TTLL11: variants seen among roughly 807,000 people sequenced by gnomAD.
TTLL11 encodes the protein tubulin polyglutamylase TTLL11.
A neutral mutation model predicts 51.7 loss-of-function variants in TTLL11; 42 were observed. That is an observed-to-expected ratio of 0.81 (90% confidence interval 0.64 to 1.05). The LOEUF is 1.05. Among genes scored for constraint, TTLL11 ranks in the 50% least tolerant of loss-of-function variants. The pLI, the probability that TTLL11 is intolerant of heterozygous loss-of-function variation, is 0.00. For synonymous variants in TTLL11, 381 were observed against 383.5 expected (o/e 0.99, Z 0.08); for missense variants, 799 against 940.4 (o/e 0.85, Z 1.97).
intron 6 of TTLL11, among the ~76,000 whole-genome samples, chr9:121,883,867 A>AG (rs1838892555): frequency 6.6e-6 from 1 of 152,180 alleles, no homozygotes; most frequent in Non-Finnish European, 1.5e-5. Context: ...CGAGAGCTGC[A>AG]GGGAGGATGA....
At position 121,995,930 on chromosome 9, in the gene TTLL11, C is replaced by T. The variant is rs1843246680; in HGVS notation, c.694-6160G>A. Among the ~76,000 whole-genome samples the T allele has an allele frequency of 6.6e-6, 1 of 152,190 alleles. No individual in the cohort carries two copies. Among genetic ancestry groups the T allele is most frequent in the South Asian group, 2.1e-4 (1 of 4,836 alleles). On this transcript the variant is annotated intron_variant, in intron 3 of 8. Transcript: ENST00000321582. This position sits in a 1 kb window ranked among gnomAD's most constrained non-coding sequence, Gnocchi z 4.4. ...AGCTCCGTGGTGAGCGCGGGAACCA[C>T]GGGCCCGTGAGAAGTAGTGCCTGCC...
intron 8 of TTLL11, among the ~76,000 whole-genome samples, chr9:121,832,766 C>T (rs910865973): frequency 3.9e-5 from 6 of 152,106 alleles, no homozygotes; most frequent in African/African-American, 1.4e-4. Context: ...ACGGTGAAAC[C>T]CTGTCTCTAC....
At chr9:121,973,969 G>T in intron 6 of TTLL11, 40 bp downstream of exon 6, 2 of 1,474,520 alleles carry the variant, frequency 1.4e-6, no homozygotes, top group Non-Finnish European at 1.9e-6. Flanking sequence ...GGGTTAGGAG[G>T]CAGAGTTGAT....
intron 3 of TTLL11, among the ~76,000 whole-genome samples, chr9:122,025,650 C>T (rs1418091585): frequency 6.6e-6 from 1 of 152,102 alleles, no homozygotes; most frequent in Non-Finnish European, 1.5e-5. Context: ...TGACCATTAC[C>T]AAATTCTGGC....
At chr9:121,842,120 A>T (rs1284028443) in intron 8 of TTLL11, among the ~76,000 whole-genome samples, 2 of 152,170 alleles carry the variant, frequency 1.3e-5, no homozygotes, top group Non-Finnish European at 2.9e-5. Context: ...ACATCTGGAA[A>T]AAGAGCAGGC....
intron 1 of TTLL11, among the ~76,000 whole-genome samples, chr9:122,046,870 C>G (rs116616088): frequency 1.3e-5 from 2 of 152,304 alleles, no homozygotes; most frequent in African/African-American, 4.8e-5. Flanking sequence ...CAGAACAACA[C>G]AATCTGAGTT....
In TTLL11 at chr9:121,872,382, C is replaced by T. The variant is rs184845725; in HGVS notation, c.1482-1634G>A. ...TGGTTTACATGCCAGTCTCTCTCAC[C>T]GTTTTGTGAGCTCATTGAAGGCCTA... On this transcript the variant is annotated intron_variant, in intron 6 of 8. Transcript: ENST00000321582. 7.9e-5 allele frequency among the ~76,000 whole-genome samples: 12 copies of T among 152,268 alleles called. No homozygotes were observed. The East Asian group carries it at 1.5e-3, about 20-fold the overall frequency.
chr9:122,000,467 G>A (rs1330002992), intron 3 of TTLL11, among the ~76,000 whole-genome samples: 26 of 84,728 alleles, frequency 3.1e-4, no homozygotes, highest in East Asian at 6.2e-4. Context: ...GTGAGACTCC[G>A]TCGCAAAAAA....
rs1564281247 is a variant in TTLL11 at position 121,870,552 on chromosome 9, G to C, written c.1678C>G (p.Leu560Val). 2 of 1,551,674 alleles carry C rather than the reference G, an allele frequency of 1.3e-6. No individual in the cohort carries two copies. The highest frequency in any genetic ancestry group is 2.4e-5 in the South Asian group (2 of 84,052). Residue 560 changes from leucine to valine, a missense_variant, in exon 7 of 9, where the codon CTG becomes GTG. This residue lies in a region of TTLL11 where 468 missense variants were observed against 612.8 expected (regional missense o/e 0.76). Coordinates refer to ENST00000321582, the MANE Select transcript of TTLL11 (RefSeq NM_001139442.2). ...DRMANLFIRF[L>V]GIKGTMKLGP... Reference sequence around the variant, plus strand: ...AACTTCATTGTCCCCTTGATGCCCAGGAACCGGATAAACAAATTTGCCATC... The same window carrying C: ...AACTTCATTGTCCCCTTGATGCCCACGAACCGGATAAACAAATTTGCCATC...
chr9:122,023,650 A>AC (rs1844240494), intron 3 of TTLL11, among the ~76,000 whole-genome samples: 1 of 151,904 alleles, frequency 6.6e-6, no homozygotes, highest in African/African-American at 2.4e-5. Context: ...TTAAAAATCA[A>AC]CCAATGTAAC....
chr9:121,997,340 A>C (rs1843306093), intron 3 of TTLL11, among the ~76,000 whole-genome samples: 2 of 152,140 alleles, frequency 1.3e-5, no homozygotes, highest in East Asian at 3.9e-4. Context: ...CAGCCTGGCG[A>C]GTCAGCCCTG....
chr9:121,917,347 G>T (rs1840362630), intron 6 of TTLL11, among the ~76,000 whole-genome samples: 1 of 151,876 alleles, frequency 6.6e-6, no homozygotes, highest in South Asian at 2.1e-4. Context: ...GTGCATACCT[G>T]TATTCCTAAT....
At chr9:122,078,129 C>A (rs1043528870) in intron 1 of TTLL11, among the ~76,000 whole-genome samples, 3 of 151,748 alleles carry the variant, frequency 2.0e-5, no homozygotes, top group Non-Finnish European at 4.4e-5. Context: ...CTTTTATTAG[C>A]AAAGCAGCCA....
At chr9:121,932,651 T>A (rs1841034253) in intron 6 of TTLL11, among the ~76,000 whole-genome samples, 1 of 152,188 alleles carries the variant, frequency 6.6e-6, no homozygotes, top group Non-Finnish European at 1.5e-5. Flanking sequence ...TTGTCAAACC[T>A]TTCATAGTAG....
At chr9:121,893,506 T>G (rs1158675235) in intron 6 of TTLL11, among the ~76,000 whole-genome samples, 3 of 152,212 alleles carry the variant, frequency 2.0e-5, no homozygotes, top group Non-Finnish European at 2.9e-5. Flanking sequence ...TCAGAGAAGA[T>G]GAATAATTTG....
chr9:121,864,598 G>A (rs769031450), intron 7 of TTLL11, among the ~76,000 whole-genome samples: 12 of 152,218 alleles, frequency 7.9e-5, no homozygotes, highest in Admixed American at 3.3e-4. Context: ...GCTGCTCACC[G>A]TACAAGGATC....
At chr9:122,085,231 A>G (rs970591602) in intron 1 of TTLL11, among the ~76,000 whole-genome samples, 1 of 152,174 alleles carries the variant, frequency 6.6e-6, no homozygotes, top group African/African-American at 2.4e-5. Context: ...CTGCACTCCA[A>G]CCTGGGCAAC....
Position 121,822,121 on chromosome 9 carries a change from T to A in TTLL11, c.*466A>T, listed in dbSNP as rs1836594906. The A allele has an allele frequency of 6.6e-6, 1 of 152,256 alleles. No individual in the cohort carries two copies. Among genetic ancestry groups the A allele is most frequent in the Non-Finnish European group, 1.5e-5 (1 of 68,310 alleles). 9.4% of individuals were successfully genotyped at this position (152,256 alleles called of 1,614,324 possible). A position where few individuals can be genotyped will look rare whatever the true frequency, so the allele number is the denominator to read the frequency against. ...CAGATGCCTACTTGATATTTCCACT[T>A]CCTTCTCTCGGAACGGGCGGCAGGA... On this transcript the variant is annotated 3_prime_UTR_variant, in exon 9 of 9. Transcript: ENST00000321582. The surrounding 1 kb of genome is among the most constrained non-coding windows in gnomAD (Gnocchi z 5.8).
At chr9:122,002,857 A>C (rs529002513) in intron 3 of TTLL11, among the ~76,000 whole-genome samples, 19 of 150,072 alleles carry the variant, frequency 1.3e-4, no homozygotes, top group African/African-American at 4.7e-4. Flanking sequence ...GAGGCAGAAG[A>C]ATCTCTTGAA....
Sources: gnomAD v4.1 joint callset for allele counts (sites outside exome capture counted in the v4.1 genomes callset) on GRCh38, gnomAD v4.1.1 for gene constraint, gnomAD v4.1.1 regional missense constraint, Gnocchi (gnomAD v3.1) non-coding constraint, MANE v1.5 for transcripts, NCBI Gene and HGNC (gene_info 2026-07-23, HGNC 2026-07-21) for gene names.